Variants in CAPZA1 observed in about 807,000 individuals in gnomAD.
CAPZA1 encodes F-actin-capping protein subunit alpha-1.
CAPZA1 carries 10 observed loss-of-function variants against 40.8 expected under a neutral mutation model. The observed-to-expected ratio is 0.25, with a 90% CI of 0.15 to 0.42. The LOEUF is 0.42. Among genes scored for constraint, CAPZA1 ranks in the 10% least tolerant of loss-of-function variants. The pLI is 1.00. For synonymous variants in CAPZA1, 98 were observed against 115.0 expected (o/e 0.85, Z 0.95); for missense variants, 277 against 353.8 (o/e 0.78, Z 1.74).
chr1:112,643,615 A>G (rs532793727), intron 1 of CAPZA1, among the ~76,000 whole-genome samples: 1 of 152,322 alleles, frequency 6.6e-6, no homozygotes, highest in Admixed American at 6.5e-5. Context: ...AGGACCGAAA[A>G]AAGTTAGTAA....
chr1:112,632,656 T>C (rs1448672143), intron 1 of CAPZA1, among the ~76,000 whole-genome samples: 1 of 152,168 alleles, frequency 6.6e-6, no homozygotes, highest in Non-Finnish European at 1.5e-5. Context: ...TGTTGTGAGA[T>C]GTACATAATT....
chr1:112,665,470 G>A (rs903205706), intron 7 of CAPZA1, among the ~76,000 whole-genome samples: 2 of 152,024 alleles, frequency 1.3e-5, no homozygotes, highest in African/African-American at 2.4e-5. Flanking sequence ...ATAAACCACC[G>A]CGCCCGGCCT....
intron 1 of CAPZA1, among the ~76,000 whole-genome samples, chr1:112,629,036 G>C (rs1172127803): frequency 1.3e-5 from 2 of 152,194 alleles, no homozygotes; most frequent in Non-Finnish European, 2.9e-5. Context: ...GAAGCATCCA[G>C]AGTGATCTGG....
chr1:112,651,202 C>T (rs1441372602), intron 3 of CAPZA1, among the ~76,000 whole-genome samples: 1 of 152,162 alleles, frequency 6.6e-6, no homozygotes, highest in East Asian at 1.9e-4. Context: ...AGAACCATCC[C>T]CAGATAATTC....
At chr1:112,667,634 A>G (rs1447810353) in intron 8 of CAPZA1, among the ~76,000 whole-genome samples, 2 of 152,194 alleles carry the variant, frequency 1.3e-5, no homozygotes, top group Non-Finnish European at 2.9e-5. Context: ...CCCAGGCTCA[A>G]GCGATCCTCC....
intron 1 of CAPZA1, among the ~76,000 whole-genome samples, chr1:112,641,433 A>C (rs140702739): frequency 6.6e-6 from 1 of 152,268 alleles, no homozygotes; most frequent in East Asian, 1.9e-4. Context: ...AAAGAAGTAA[A>C]AGCCCTTTTC....
intron 1 of CAPZA1, chr1:112,620,196 G>T (rs911656143): frequency 6.9e-6 from 2 of 291,734 alleles, no homozygotes; most frequent in Non-Finnish European, 1.3e-5. Context: ...TTGCGAGAGG[G>T]TGGTGGTTAT....
chr1:112,637,222 G>C (rs1007847465), intron 1 of CAPZA1, among the ~76,000 whole-genome samples: 2 of 152,182 alleles, frequency 1.3e-5, no homozygotes, highest in African/African-American at 4.8e-5. Context: ...TCTCTCCCCT[G>C]CCTTCTTTAA....
intron 5 of CAPZA1, among the ~76,000 whole-genome samples, chr1:112,657,984 G>C (rs1235123045): frequency 6.6e-6 from 1 of 152,064 alleles, no homozygotes; most frequent in Non-Finnish European, 1.5e-5. Context: ...ATTTAATGCA[G>C]GTAAAGTAAC....
intron 3 of CAPZA1, 192 bp downstream of exon 3, chr1:112,649,661 CTATAA>C (rs954431601): frequency 6.8e-6 from 4 of 589,572 alleles, no homozygotes; most frequent in African/African-American, 3.8e-5. Flanking sequence ...TCAAAGCTTA[CTATAA>C]TATATGAACT....
At chr1:112,663,820 A>G (rs1181208313) in intron 7 of CAPZA1, among the ~76,000 whole-genome samples, 1 of 152,030 alleles carries the variant, frequency 6.6e-6, no homozygotes, top group Non-Finnish European at 1.5e-5. Context: ...AGATTCTTAT[A>G]TTGTCTTTTC....
chr1:112,670,096 C>T lies in CAPZA1; in HGVS notation c.825C>T (p.Leu275=). ...CCAAAATCGACTGGAACAAGATACT[C>T]AGCTACAAGATTGGCAAAGAAATGC... ...TRTKIDWNKI[L]SYKIGKEMQN... Residue 275 remains leucine, a synonymous_variant, in exon 10 of 10, where the codon CTC becomes CTT. Transcript: ENST00000263168. 1 of 1,613,968 alleles carries T rather than the reference C, an allele frequency of 6.2e-7. No individual in the cohort carries two copies. Among genetic ancestry groups the T allele is most frequent in the Non-Finnish European group, 8.5e-7 (1 of 1,179,860 alleles).
intron 2 of CAPZA1, among the ~76,000 whole-genome samples, chr1:112,648,963 C>CAA (rs34641909): frequency 2.2e-4 from 29 of 132,802 alleles, no homozygotes; most frequent in East Asian, 8.5e-4. Flanking sequence ...GACTTCGTCT[C>CAA]AAAAAAAAAA....
At position 112,661,631 on chromosome 1, in the gene CAPZA1, G is replaced by A. The variant is rs111882479; in HGVS notation, c.585+1852G>A. 6.5e-3 allele frequency among the ~76,000 whole-genome samples: 992 copies of A among 152,286 alleles called. 6 individuals carry two copies. The highest frequency in any genetic ancestry group is 0.01 in the Non-Finnish European group (713 of 68,026). ...TAGATCTCTTGTAACTGTGGCATTA[G>A]CATTAACTTCCTAGAACCATGGTAT... On this transcript the variant is annotated intron_variant, in intron 7 of 9. Transcript: ENST00000263168.
At chr1:112,646,947 G>T (rs1488996409) in intron 1 of CAPZA1, among the ~76,000 whole-genome samples, 2 of 151,866 alleles carry the variant, frequency 1.3e-5, no homozygotes, top group African/African-American at 4.8e-5. Flanking sequence ...AATGTATTTG[G>T]TCAAAAACTA....
intron 1 of CAPZA1, among the ~76,000 whole-genome samples, chr1:112,623,982 G>T (rs1451746122): frequency 7.0e-6 from 1 of 142,376 alleles, no homozygotes; most frequent in African/African-American, 2.6e-5. Flanking sequence ...CTCCAGCCTG[G>T]GTGACAGAGC....
chr1:112,652,774 GTGTAGC>G (rs1033758803), intron 3 of CAPZA1, among the ~76,000 whole-genome samples: 3 of 151,756 alleles, frequency 2.0e-5, no homozygotes, highest in African/African-American at 7.3e-5. Flanking sequence ...AAGAATATAA[GTGTAGC>G]TCTTATTTCC....
chr1:112,657,256 G>T (rs1301768243), intron 5 of CAPZA1, among the ~76,000 whole-genome samples: 1 of 152,008 alleles, frequency 6.6e-6, no homozygotes, highest in Non-Finnish European at 1.5e-5. Context: ...GAGCCACCAG[G>T]CCCGGCCTAT....
intron 1 of CAPZA1, among the ~76,000 whole-genome samples, chr1:112,639,616 A>C (rs1671092239): frequency 6.6e-6 from 1 of 152,124 alleles, no homozygotes; most frequent in Non-Finnish European, 1.5e-5. Flanking sequence ...TCCTCACCTC[A>C]GTCCTTTGGC....
Sources: allele counts gnomAD v4.1 joint callset (sites outside exome capture counted in the v4.1 genomes callset), GRCh38; gene constraint gnomAD v4.1.1; transcripts MANE v1.5; gene names NCBI Gene and HGNC (gene_info 2026-07-23, HGNC 2026-07-21).